Variants in BCL6B observed in about 807,000 individuals in gnomAD.
BCL6B encodes the protein B-cell CLL/lymphoma 6 member B protein.
BCL6B carries 28 observed loss-of-function variants against 44.6 expected under a neutral mutation model. The observed-to-expected ratio is 0.63, with a 90% confidence interval of 0.47 to 0.86. The LOEUF (loss-of-function observed/expected upper bound fraction) is 0.86. BCL6B is among the 40% of genes least tolerant of loss of function. The probability of loss-of-function intolerance (pLI) is 0.00; values close to 1 mark genes in which losing one functional copy is unlikely to be tolerated. For synonymous variants in BCL6B, 268 were observed against 263.6 expected (o/e 1.02, Z -0.16); for missense variants, 626 against 652.3 (o/e 0.96, Z 0.44).
rs535318566 is a variant in BCL6B at position 7,027,777 on chromosome 17, G to T, written c.*158G>T. On this transcript the variant is annotated 3_prime_UTR_variant, in exon 9 of 9. Transcript: ENST00000293805. The stretch of plus-strand genomic sequence containing the variant: ...TTTCTCACTGGGGAGAGCAGGGGTG[G>T]CAGATCCTGGCTAGATCTGCCTCTG... 2 of 1,447,678 alleles carry T rather than the reference G, an allele frequency of 1.4e-6. No homozygotes were observed. The highest frequency in any genetic ancestry group is 5.3e-5 in the Admixed American group (2 of 37,658). 89.7% of individuals were successfully genotyped at this position (1,447,678 alleles called of 1,614,324 possible). A position where few individuals can be genotyped will look rare whatever the true frequency, so the allele number is the denominator to read the frequency against.
At chr17:7,023,592 A>T (rs1244738688) in intron 1 of BCL6B, 68 bp from the exon 2 acceptor site, 4 of 1,453,246 alleles carry the variant, frequency 2.8e-6, no homozygotes, top group Non-Finnish European at 3.7e-6. Flanking sequence ...CGGAAGGAAA[A>T]GGCAAACAGA....
At chr17:7,025,540 G>T (rs879353311) in intron 5 of BCL6B, among the ~76,000 whole-genome samples, 1 of 152,142 alleles carries the variant, frequency 6.6e-6, no homozygotes, top group Admixed American at 6.5e-5. Flanking sequence ...TGCAAGTGAG[G>T]AGGAGATTTT....
intron 5 of BCL6B, among the ~76,000 whole-genome samples, chr17:7,025,420 G>A (rs1282683678): frequency 6.6e-6 from 1 of 152,214 alleles, no homozygotes; most frequent in African/African-American, 2.4e-5. Flanking sequence ...CTCTCCCAGT[G>A]CTTCCAATGA....
Position 7,027,847 on chromosome 17 carries a change from A to T in BCL6B, c.*228A>T. On this transcript the variant is annotated 3_prime_UTR_variant, in exon 9 of 9. Transcript: ENST00000293805. ...TTCCCCACAAGCCAGATTGTTTCTG[A>T]GGAGAGAGCTAGCTAGGGGCTGGGA... 3.6e-6 allele frequency: 5 copies of T among 1,401,198 alleles called. No individual in the cohort carries two copies. The highest frequency in any genetic ancestry group is 4.6e-6 in the Non-Finnish European group (5 of 1,079,306). The allele number at this position is 1,401,198 out of a possible 1,614,324, so 86.8% of individuals were successfully genotyped here.
In BCL6B at chr17:7,024,597, A is replaced by C. The variant is rs1380984745; in HGVS notation, c.598A>C (p.Ile200Leu). Residue 200 changes from isoleucine to leucine, a missense_variant, in exon 4 of 9, where the codon ATC (isoleucine) becomes CTC (leucine). Transcript: ENST00000293805. This position sits in a 1 kb window ranked among gnomAD's most constrained non-coding sequence, Gnocchi z 6.6. ...KACNWKKYKY[I>L]VLNSQASQAG... ...CTGCAACTGGAAAAAGTACAAGTACATCGTGCTAAACTCTCAGGCCTCCCA... is the reference window on the plus strand; with the variant it reads ...CTGCAACTGGAAAAAGTACAAGTACCTCGTGCTAAACTCTCAGGCCTCCCA... The C allele has an allele frequency of 1.2e-5, 19 of 1,614,220 alleles. No homozygotes were observed. The highest frequency in any genetic ancestry group is 1.6e-5 in the Non-Finnish European group (19 of 1,180,038).
chr17:7,025,396 G>C (rs1408538330), intron 5 of BCL6B, among the ~76,000 whole-genome samples, 196 bp downstream of exon 5: 3 of 152,228 alleles, frequency 2.0e-5, no homozygotes, highest in African/African-American at 7.2e-5. Flanking sequence ...CGAGTCATCA[G>C]TATTTTTCTA....
At chr17:7,026,345 T>G in intron 5 of BCL6B, 112 bp from the exon 6 acceptor site, 2 of 1,406,036 alleles carry the variant, frequency 1.4e-6, no homozygotes, top group Non-Finnish European at 9.7e-7. Flanking sequence ...CCAGAAGTCT[T>G]AACAATAAAT....
At position 7,029,553 on chromosome 17, in the gene BCL6B, C is replaced by A; in HGVS notation, c.*1934C>A. On this transcript the variant is annotated 3_prime_UTR_variant, in exon 9 of 9. Transcript: ENST00000293805. ...AGAAGGAATCATGATTTCTATTTAG[C>A]AGATTGGATGGGCAGGTGGAGAATG... 2 of 1,139,406 alleles carry A rather than the reference C, an allele frequency of 1.8e-6. No individual in the cohort carries two copies. Among genetic ancestry groups the A allele is most frequent in the South Asian group, 1.8e-5 (1 of 55,288 alleles). The allele number at this position is 1,139,406 out of a possible 1,614,324, so 70.6% of individuals were successfully genotyped here.
At chr17:7,025,836 C>CA (rs56693603) in intron 5 of BCL6B, among the ~76,000 whole-genome samples, 235 of 60,812 alleles carry the variant, frequency 3.9e-3, no homozygotes, top group African/African-American at 5.9e-3. Context: ...GACTCTGTCT[C>CA]AAAAAAAAAA....
intron 1 of BCL6B, 159 bp from the exon 2 acceptor site, chr17:7,023,501 G>A (rs1390976285): frequency 1.4e-6 from 1 of 691,748 alleles, no homozygotes; most frequent in East Asian, 2.8e-5. Context: ...TGTCGTAGAG[G>A]GCAGAATGAA....
chr17:7,023,371 T>TG (rs1910181441), intron 1 of BCL6B: 1 of 417,256 alleles, frequency 2.4e-6, no homozygotes. Context: ...GGAGGGGCAC[T>TG]GGGGGTCGAA....
Position 7,029,160 on chromosome 17 carries a change from G to T in BCL6B, c.*1541G>T. 1.0e-6 allele frequency: 1 copy of T among 985,674 alleles called. No homozygotes were observed. The highest frequency in any genetic ancestry group is 1.2e-6 in the Non-Finnish European group (1 of 830,110). 61.1% of individuals were successfully genotyped at this position (985,674 alleles called of 1,614,324 possible). A position where few individuals can be genotyped will look rare whatever the true frequency, so the allele number is the denominator to read the frequency against. On this transcript the variant is annotated 3_prime_UTR_variant, in exon 9 of 9. Coordinates refer to ENST00000293805, the MANE Select transcript of BCL6B (RefSeq NM_181844.4). ...CATAGGCCAAAGGCCTGTTCTAGTTGACCAAGTTTCAAGTAGGATTAAGAG... is the reference window on the plus strand; with the variant it reads ...CATAGGCCAAAGGCCTGTTCTAGTTTACCAAGTTTCAAGTAGGATTAAGAG...
chr17:7,027,031 C>T lies in BCL6B; in HGVS notation c.1267C>T (p.His423Tyr). The change falls in exon 8 of 9, where the codon CAC (histidine) becomes TAC (tyrosine). Residue 423 changes from histidine (H) to tyrosine (Y), a missense_variant. His to Tyr is a moderately conservative substitution (Grantham distance 83). Coordinates refer to ENST00000293805, the MANE Select transcript of BCL6B (RefSeq NM_181844.4). ...CCCTACCTGCGGAACCCGCTTCCGC[C>T]ACCTGCAGACCCTCAAGAGCCACGT... ...PCPTCGTRFR[H>Y]LQTLKSHVRI... is the part of the protein sequence containing the mutation. 1 of 1,613,944 alleles carries T rather than the reference C, an allele frequency of 6.2e-7. No homozygotes were observed. The highest frequency in any genetic ancestry group is 8.5e-7 in the Non-Finnish European group (1 of 1,179,996).
At position 7,028,634 on chromosome 17, in the gene BCL6B, G is replaced by C; in HGVS notation, c.*1015G>C. 3 of 985,390 alleles carry C rather than the reference G, an allele frequency of 3.0e-6. No individual in the cohort carries two copies. The highest frequency in any genetic ancestry group is 3.6e-6 in the Non-Finnish European group (3 of 829,944). 61.0% of individuals were successfully genotyped at this position (985,390 alleles called of 1,614,324 possible). ...GTGGAGTCCATCATCCTCCCACGGG[G>C]GCCTGTTCTTAGCACTGAGTTGATC... On this transcript the variant is annotated 3_prime_UTR_variant, in exon 9 of 9. Transcript: ENST00000293805.
Position 7,024,950 on chromosome 17 carries a change from G to A in BCL6B, c.765-126G>A, listed in dbSNP as rs554108311. On this transcript the variant is annotated intron_variant, in intron 4 of 8. Transcript: ENST00000293805. This position sits in a 1 kb window ranked among gnomAD's most constrained non-coding sequence, Gnocchi z 6.6. Reference sequence around the variant, plus strand: ...GGCACTTGGGCAGTACAATGGATGTGGCTCATTGGTCAACAATATTGGCTC... The same window carrying A: ...GGCACTTGGGCAGTACAATGGATGTAGCTCATTGGTCAACAATATTGGCTC... The A allele has an allele frequency of 3.1e-5, 47 of 1,495,684 alleles. No individual in the cohort carries two copies. In the South Asian group the frequency reaches 4.8e-4, roughly 15 times the overall value. 92.7% of individuals were successfully genotyped at this position (1,495,684 alleles called of 1,614,324 possible).
Position 7,029,260 on chromosome 17 carries a change from G to A in BCL6B, c.*1641G>A, listed in dbSNP as rs140636586. ...AGGAACAGGGTTGCCTCTTGGCTGG[G>A]TGGAGTCTCTGAAATGTTAGAAGAA... On this transcript the variant is annotated 3_prime_UTR_variant, in exon 9 of 9. Coordinates refer to ENST00000293805, the MANE Select transcript of BCL6B (RefSeq NM_181844.4). 8.1e-5 allele frequency: 80 copies of A among 986,762 alleles called. No homozygotes were observed. The highest frequency in any genetic ancestry group is 9.3e-5 in the South Asian group (2 of 21,412). The allele number at this position is 986,762 out of a possible 1,614,324, so 61.1% of individuals were successfully genotyped here.
At position 7,026,961 on chromosome 17, in the gene BCL6B, G is replaced by A; in HGVS notation, c.1197G>A (p.Leu399=). ...CTCCTCCCTCCCAGGTGGCACATCT[G>A]CGGGCGCACGTGCTGATCCACACCG... ...CGSRFVQVAH[L]RAHVLIHTGE... is the part of the protein sequence containing the mutation. Residue 399 remains leucine (L), a synonymous_variant, in exon 8 of 9, where the codon CTG becomes CTA. Transcript: ENST00000293805. 6.2e-7 allele frequency: 1 copy of A among 1,612,644 alleles called. No individual in the cohort carries two copies. Among genetic ancestry groups the A allele is most frequent in the South Asian group, 1.1e-5 (1 of 91,068 alleles).
At position 7,024,617 on chromosome 17, in the gene BCL6B, C is replaced by T. The variant is rs150578740; in HGVS notation, c.618C>T (p.Ala206=). ...KYKYIVLNSQ[A]SQAGSLVGER... ...AGTACATCGTGCTAAACTCTCAGGC[C>T]TCCCAAGCAGGGAGCCTGGTCGGGG... Residue 206 remains alanine, a synonymous_variant, in exon 4 of 9, where the codon GCC becomes GCT. Transcript: ENST00000293805. This position sits in a 1 kb window ranked among gnomAD's most constrained non-coding sequence, Gnocchi z 6.6. 1.2e-6 allele frequency: 2 copies of T among 1,614,172 alleles called. No individual in the cohort carries two copies. The highest frequency in any genetic ancestry group is 1.7e-5 in the Admixed American group (1 of 60,020).
Position 7,025,206 on chromosome 17 carries a change from A to G in BCL6B, c.889+6A>G, listed in dbSNP as rs1910250708. On this transcript the variant is annotated splice_donor_region_variant and intron_variant, in intron 5 of 8. Transcript: ENST00000293805. Reference sequence around the variant, plus strand: ...ACGGGCTCGTCCACTACCGGGTAAGAGCCCCTCTTTCTTGGCTTTTCTCCC... The same window carrying G: ...ACGGGCTCGTCCACTACCGGGTAAGGGCCCCTCTTTCTTGGCTTTTCTCCC... 6.2e-7 allele frequency: 1 copy of G among 1,613,422 alleles called. No homozygotes were observed. Among genetic ancestry groups the G allele is most frequent in the Non-Finnish European group, 8.5e-7 (1 of 1,179,804 alleles).
Sources: gnomAD v4.1 joint callset for allele counts (sites outside exome capture counted in the v4.1 genomes callset) on GRCh38, gnomAD v4.1.1 for gene constraint, Gnocchi (gnomAD v3.1) non-coding constraint, MANE v1.5 for transcripts, NCBI Gene and HGNC (gene_info 2026-07-23, HGNC 2026-07-21) for gene names.